Variants in PTPRD observed in about 807,000 individuals in gnomAD.
PTPRD encodes protein tyrosine phosphatase receptor type D, also known as receptor-type tyrosine-protein phosphatase delta.
In PTPRD, 34 loss-of-function variants were observed where a neutral mutation model predicts 214.5. The ratio of observed to expected loss-of-function variants is 0.16; its 90% CI spans 0.12 to 0.21. The LOEUF is 0.21. PTPRD is among the 10% of genes least tolerant of loss of function. The pLI is 1.00. For missense variants in PTPRD, 2,545 were observed against 2,398.7 expected (o/e 1.06, Z -1.27); for synonymous variants, 1,128 against 845.7 (o/e 1.33, Z -5.79).
At chr9:9,531,424 G>A (rs567810180) in intron 8 of PTPRD, among the ~76,000 whole-genome samples, 2 of 152,240 alleles carry the variant, frequency 1.3e-5, no homozygotes, top group African/African-American at 4.8e-5. Context: ...TTGTTTGAAT[G>A]TGAGACACAA....
At chr9:10,593,339 T>C (rs915744209) in intron 2 of PTPRD, among the ~76,000 whole-genome samples, 4 of 152,022 alleles carry the variant, frequency 2.6e-5, no homozygotes. Flanking sequence ...AATAAATGTA[T>C]ACAGCACATG....
chr9:10,497,596 G>T (rs2042446810), intron 2 of PTPRD, among the ~76,000 whole-genome samples: 1 of 151,950 alleles, frequency 6.6e-6, no homozygotes, highest in Non-Finnish European at 1.5e-5. Context: ...ATTCTTTAAT[G>T]TTTTATGGTG....
intron 2 of PTPRD, among the ~76,000 whole-genome samples, chr9:10,503,323 C>A (rs542435545): frequency 1.3e-5 from 2 of 150,632 alleles, no homozygotes; most frequent in South Asian, 2.1e-4. Flanking sequence ...ATGTATATAG[C>A]AAAAGAAGGT....
At chr9:10,038,563 C>G (rs2097232947) in intron 3 of PTPRD, among the ~76,000 whole-genome samples, 1 of 152,046 alleles carries the variant, frequency 6.6e-6, no homozygotes, top group South Asian at 2.1e-4. Flanking sequence ...CTAATATTAT[C>G]ACCATTTTGA....
intron 2 of PTPRD, among the ~76,000 whole-genome samples, chr9:10,473,523 AGTGT>A (rs750807215): frequency 6.6e-6 from 1 of 152,068 alleles, no homozygotes; most frequent in African/African-American, 2.4e-5. Flanking sequence ...CGTGAGTGTG[AGTGT>A]GTATGTGTAC....
intron 3 of PTPRD, among the ~76,000 whole-genome samples, chr9:10,268,315 A>AATAATAATG (rs2094209744): frequency 6.7e-6 from 1 of 149,480 alleles, no homozygotes; most frequent in Non-Finnish European, 1.5e-5. Flanking sequence ...TAATAATAAT[A>AATAATAATG]ATAACGATAA....
intron 5 of PTPRD, among the ~76,000 whole-genome samples, chr9:9,922,073 C>T (rs2082704613): frequency 6.6e-6 from 1 of 152,076 alleles, no homozygotes; most frequent in Non-Finnish European, 1.5e-5. Flanking sequence ...AAAGTACTGC[C>T]TATATGCCCA....
chr9:8,620,137 C>T (rs2890818), intron 14 of PTPRD, among the ~76,000 whole-genome samples: 43,070 of 151,822 alleles, frequency 0.28, 6,563 homozygotes, highest in African/African-American at 0.4. Flanking sequence ...CTGCATTGAA[C>T]GCTTGGTAAT....
intron 7 of PTPRD, among the ~76,000 whole-genome samples, chr9:9,656,839 G>A (rs907576518): frequency 6.6e-6 from 1 of 152,040 alleles, no homozygotes; most frequent in Non-Finnish European, 1.5e-5. Context: ...GATGTTGATA[G>A]TGGGAAAGGT....
In PTPRD at chr9:8,687,585, G is replaced by C. The variant is rs371888176; in HGVS notation, c.64+46195C>G. On this transcript the variant is annotated intron_variant, in intron 12 of 45. Transcript: ENST00000381196. ...ACAGCCAAGGTCGGATGGAAGTGTG[G>C]GCTCTGTTAGCCTTGATCTAATTTT... is the stretch of plus-strand genomic sequence containing the variant. 1.4e-4 allele frequency among the ~76,000 whole-genome samples: 22 copies of C among 152,206 alleles called. No individual in the cohort carries two copies. The East Asian group carries it at 4.3e-3, about 29-fold the overall frequency.
chr9:8,715,378 G>T (rs902194634), intron 12 of PTPRD, among the ~76,000 whole-genome samples: 3 of 152,170 alleles, frequency 2.0e-5, no homozygotes, highest in Non-Finnish European at 4.4e-5. Flanking sequence ...GGAGTGCACA[G>T]ACCCTACCTG....
intron 9 of PTPRD, among the ~76,000 whole-genome samples, chr9:9,393,207 T>C (rs911371533): frequency 5.3e-5 from 8 of 152,198 alleles, no homozygotes; most frequent in Middle Eastern, 3.4e-3. Flanking sequence ...TCTGGTGTGA[T>C]AGACTGAACC....
intron 4 of PTPRD, among the ~76,000 whole-genome samples, chr9:9,975,967 T>G (rs563638014): frequency 5.9e-5 from 9 of 152,284 alleles, no homozygotes; most frequent in African/African-American, 2.2e-4. Flanking sequence ...TGAAAAGCAG[T>G]AGAAGGCATT....
At chr9:9,315,977 T>C (rs1341393953) in intron 9 of PTPRD, among the ~76,000 whole-genome samples, 3 of 151,882 alleles carry the variant, frequency 2.0e-5, no homozygotes, top group Admixed American at 6.6e-5. Flanking sequence ...GTGAATCTTT[T>C]AGATGTCCAC....
intron 2 of PTPRD, among the ~76,000 whole-genome samples, chr9:10,534,709 A>C (rs2057334210): frequency 6.6e-6 from 1 of 152,074 alleles, no homozygotes. Flanking sequence ...ATCTACTAAG[A>C]AGAAGAAGAA....
chr9:8,927,165 C>A (rs968439249), intron 11 of PTPRD, among the ~76,000 whole-genome samples: 3 of 151,972 alleles, frequency 2.0e-5, no homozygotes, highest in Admixed American at 2.0e-4. Context: ...AGAGTCCTAC[C>A]TCTACACCTT....
intron 3 of PTPRD, among the ~76,000 whole-genome samples, chr9:10,214,371 G>A (rs1318572232): frequency 6.6e-6 from 1 of 151,618 alleles, no homozygotes; most frequent in Non-Finnish European, 1.5e-5. Flanking sequence ...CTACCTCCTG[G>A]GTTCAAGTGA....
At position 9,453,021 on chromosome 9, in the gene PTPRD, T is replaced by TTA. The variant is rs1555424218; in HGVS notation, c.-236-55540_-236-55539insTA. 1.3e-3 allele frequency among the ~76,000 whole-genome samples: 10 copies of TTA among 7,976 alleles called. No homozygotes were observed. In the South Asian group the frequency reaches 0.034, roughly 27 times the overall value. 5.2% of individuals were successfully genotyped at this position (7,976 alleles called of 152,430 possible). ...TGACATTTAACTGAAGCCTATTTTA[T>TTA]TTTTTTTTTTTGCTCCATATACATA... On this transcript the variant is annotated intron_variant, in intron 8 of 45. Coordinates refer to ENST00000381196, the MANE Select transcript of PTPRD (RefSeq NM_002839.4).
intron 8 of PTPRD, among the ~76,000 whole-genome samples, chr9:9,406,710 C>T (rs923645405): frequency 6.6e-5 from 10 of 151,580 alleles, no homozygotes; most frequent in African/African-American, 2.4e-4. Flanking sequence ...ATAAGAGAGA[C>T]TGACAAAGTT....
Sources: gnomAD v4.1 joint callset for allele counts (sites outside exome capture counted in the v4.1 genomes callset) on GRCh38, gnomAD v4.1.1 for gene constraint, MANE v1.5 for transcripts, NCBI Gene and HGNC (gene_info 2026-07-23, HGNC 2026-07-21) for gene names.